The following ACTN3 variants were observed in gnomAD, a reference collection of about 807,000 sequenced individuals.
ACTN3 encodes actinin alpha 3, also known as alpha-actinin-3.
Under a neutral mutation model 119.6 loss-of-function variants are expected in ACTN3, and 91 were observed. The observed-to-expected ratio is 0.76, with a 90% CI of 0.64 to 0.91. The LOEUF is 0.91. Ranked by LOEUF, ACTN3 falls within the 40% of genes least tolerant of loss-of-function variation. ACTN3 has a pLI of 0.00. For missense variants in ACTN3, 1,221 were observed against 1,215.1 expected, an observed-to-expected ratio of 1.00 and a Z score of -0.07; for synonymous variants, 456 against 478.8, an observed-to-expected ratio of 0.95 and a Z score of 0.62.
intron 15 of ACTN3, 114 bp downstream of exon 15, chr11:66,560,869 CCA>C (rs1857743202): frequency 4.3e-6 from 5 of 1,155,258 alleles, no homozygotes; most frequent in South Asian, 1.5e-5. Context: ...GTGGGGTCTG[CCA>C]CAGACTCCAC....
intron 5 of ACTN3, 95 bp from the exon 6 acceptor site, chr11:66,555,035 G>A: frequency 9.0e-7 from 1 of 1,115,198 alleles, no homozygotes; most frequent in Non-Finnish European, 1.3e-6. Flanking sequence ...CCATTTTACA[G>A]ATGAGGCTGT....
chr11:66,551,503 C>T, intron 2 of ACTN3, 25 bp from the exon 3 acceptor site: 1 of 1,610,196 alleles, frequency 6.2e-7, no homozygotes, highest in Non-Finnish European at 8.5e-7. Flanking sequence ...GACCTTTGGC[C>T]CTTGGCCTCT....
chr11:66,558,502 G>C (rs926162597), intron 11 of ACTN3, among the ~76,000 whole-genome samples: 1 of 152,126 alleles, frequency 6.6e-6, no homozygotes, highest in Non-Finnish European at 1.5e-5. Flanking sequence ...CAAGTAGCTG[G>C]GACCACAGGC....
intron 11 of ACTN3, among the ~76,000 whole-genome samples, chr11:66,558,658 G>A (rs1004754464): frequency 1.3e-5 from 2 of 152,008 alleles, no homozygotes; most frequent in South Asian, 2.1e-4. Context: ...ATGAGCCACC[G>A]CACACCCGCC....
intron 10 of ACTN3, 39 bp from the exon 11 acceptor site, chr11:66,557,988 G>A (rs773983681): frequency 1.2e-5 from 20 of 1,613,238 alleles, no homozygotes; most frequent in Non-Finnish European, 1.4e-5. Context: ...CTGTACAATG[G>A]GCAAACCGTG....
At chr11:66,554,497 C>T in intron 4 of ACTN3, 39 bp from the exon 5 acceptor site, 2 of 1,501,244 alleles carry the variant, frequency 1.3e-6, no homozygotes, top group Non-Finnish European at 1.8e-6. Flanking sequence ...CTGACCTGGA[C>T]CCCTTCCCAA....
Position 66,560,569 on chromosome 11 carries a change from C to T in ACTN3, c.1678-4C>T. 6.2e-7 allele frequency: 1 copy of T among 1,607,480 alleles called. No individual in the cohort carries two copies. Among genetic ancestry groups the T allele is most frequent in the South Asian group, 1.1e-5 (1 of 90,502 alleles). Reference sequence around the variant, plus strand: ...AGCTGACACTTCCTGCCTGTCGTCCCCAGAGCCTGCTGACAGCGCACGATC... The same window carrying T: ...AGCTGACACTTCCTGCCTGTCGTCCTCAGAGCCTGCTGACAGCGCACGATC... On this transcript the variant is annotated splice_region_variant and splice_polypyrimidine_tract_variant and intron_variant, in intron 14 of 20. Coordinates refer to ENST00000513398, the MANE Select transcript of ACTN3 (RefSeq NM_001104.4).
At chr11:66,555,420 G>A (rs1313889602) in intron 7 of ACTN3, 53 bp downstream of exon 7, 4 of 1,580,114 alleles carry the variant, frequency 2.5e-6, no homozygotes, top group Non-Finnish European at 3.5e-6. Context: ...ACTGGGCCTG[G>A]TACAACCTCC....
chr11:66,559,221 C>T lies in ACTN3; in HGVS notation c.1277-15C>T, dbSNP rs1349337690. ...GCCGCCACTGGGTGACCGGAGCCGGCATCTCTTTGAGCAGGAAAGGAGGAG... is the reference window on the plus strand; with the variant it reads ...GCCGCCACTGGGTGACCGGAGCCGGTATCTCTTTGAGCAGGAAAGGAGGAG... On this transcript the variant is annotated splice_polypyrimidine_tract_variant and intron_variant, in intron 11 of 20. Coordinates refer to ENST00000513398, the MANE Select transcript of ACTN3 (RefSeq NM_001104.4). The T allele has an allele frequency of 6.7e-7, 1 of 1,482,966 alleles. No homozygotes were observed. Among genetic ancestry groups the T allele is most frequent in the Admixed American group, 2.4e-5 (1 of 41,480 alleles). The allele number at this position is 1,482,966 out of a possible 1,614,324, so 91.9% of individuals were successfully genotyped here. A position where few individuals can be genotyped will look rare whatever the true frequency, so the allele number is the denominator to read the frequency against.
At chr11:66,546,576 G>A (rs547444796), upstream of ACTN3, 46 of 1,535,640 alleles carry the variant, frequency 3.0e-5, no homozygotes, top group African/African-American at 6.0e-4. Flanking sequence ...GCTCCAGAGG[G>A]CAGCCTCTAG....
Position 66,562,910 on chromosome 11 carries a change from A to G in ACTN3, c.2503A>G (p.Thr835Ala), listed in dbSNP as rs775954878. Residue 835 changes from threonine (T) to alanine (A), a missense_variant, in exon 20 of 21, where the codon ACT becomes GCT. Physicochemically the swap from Thr to Ala is moderately conservative, Grantham distance 58 (BLOSUM62 0). This residue lies in a region of ACTN3 where 934 missense variants were observed against 899.9 expected (regional missense o/e 1.04). Transcript: ENST00000513398. ...CCGAGAGACAGCCGAGACTGACACG[A>G]CTGAGCAAGTTGTAGCTTCCTTCAA... is the stretch of plus-strand genomic sequence containing the variant. The part of the protein sequence containing the change: ...MTRETAETDT[T>A]EQVVASFKIL... 8 of 1,613,614 alleles carry G rather than the reference A, an allele frequency of 5.0e-6. No individual in the cohort carries two copies. The highest frequency in any genetic ancestry group is 6.8e-6 in the Non-Finnish European group (8 of 1,179,774).
chr11:66,547,336 C>A (rs751409810), intron 1 of ACTN3, among the ~76,000 whole-genome samples: 28 of 152,148 alleles, frequency 1.8e-4, no homozygotes, highest in Non-Finnish European at 3.4e-4. Flanking sequence ...TCCCCTGGGC[C>A]CACTGCCCCA....
At chr11:66,548,842 T>G (rs1224963794) in intron 1 of ACTN3, among the ~76,000 whole-genome samples, 4 of 152,094 alleles carry the variant, frequency 2.6e-5, no homozygotes, top group African/African-American at 9.7e-5. Context: ...TTCCAACATT[T>G]CTGTCTCATC....
Position 66,557,819 on chromosome 11 carries a change from C to A in ACTN3, c.1018C>A (p.Pro340Thr). Residue 340 changes from proline (P) to threonine (T), a missense_variant, in exon 10 of 21, where the codon CCC (proline) becomes ACC (threonine). Physicochemically the swap from Pro to Thr is conservative, Grantham distance 38. Around this residue, in one of 3 missense-constraint regions of ACTN3, gnomAD observed 934 missense variants for 899.9 expected, o/e 1.04. Transcript: ENST00000513398. ...FRDYRRLHKP[P>T]RIQEKCQLEI... ...GGACTACCGGCGTCTGCACAAGCCG[C>A]CCCGCATTCAGGAAAAGTGCCAGCT... The A allele has an allele frequency of 3.1e-6, 5 of 1,614,130 alleles. No homozygotes were observed. Among genetic ancestry groups the A allele is most frequent in the South Asian group, 1.1e-5 (1 of 91,062 alleles).
At chr11:66,554,700 G>A in intron 5 of ACTN3, 77 bp downstream of exon 5, 1 of 1,214,674 alleles carries the variant, frequency 8.2e-7, no homozygotes, top group South Asian at 1.4e-5. Context: ...CCTGGTCAGT[G>A]AAGGGCACTG....
chr11:66,552,519 T>C (rs751267655), intron 3 of ACTN3, among the ~76,000 whole-genome samples: 4 of 152,050 alleles, frequency 2.6e-5, no homozygotes, highest in South Asian at 2.1e-4. Context: ...AGCGGAAGGA[T>C]TGTTTGAGCC....
chr11:66,550,652 T>TA (rs1857450700), intron 1 of ACTN3, among the ~76,000 whole-genome samples: 1 of 152,064 alleles, frequency 6.6e-6, no homozygotes, highest in Admixed American at 6.5e-5. Context: ...CGTCTCTCTC[T>TA]AAAAAAACAA....
Position 66,562,862 on chromosome 11 carries a change from C to T in ACTN3, c.2455C>T (p.Gln819Ter). 1.2e-6 allele frequency: 2 copies of T among 1,613,844 alleles called. No individual in the cohort carries two copies. Among genetic ancestry groups the T allele is most frequent in the Non-Finnish European group, 8.5e-7 (1 of 1,179,836 alleles). The change falls in exon 20 of 21, where the codon CAG becomes TAG. Residue 819 changes from glutamine to a stop codon, truncating the protein, a stop_gained. Transcript: ENST00000513398. LOFTEE classifies it high-confidence loss of function. ...CAACGCAGCTGGGGTGGTGACCTTC[C>T]AGGCCTTCATAGACTTCATGACCCG... ...DPNAAGVVTF[Q>*]AFIDFMTRET...
intron 3 of ACTN3, among the ~76,000 whole-genome samples, chr11:66,552,632 G>A (rs1370044547): frequency 2.0e-5 from 3 of 151,946 alleles, no homozygotes; most frequent in Non-Finnish European, 4.4e-5. Flanking sequence ...AAGGCAAATG[G>A]ATCACCCTGA....
Sources: gnomAD v4.1 joint callset for allele counts (sites outside exome capture counted in the v4.1 genomes callset) on GRCh38, gnomAD v4.1.1 for gene constraint, gnomAD v4.1.1 regional missense constraint, MANE v1.5 for transcripts, NCBI Gene and HGNC (gene_info 2026-07-23, HGNC 2026-07-21) for gene names.